The following TENM2 variants were observed in gnomAD, a reference collection of about 807,000 sequenced individuals.
TENM2 encodes teneurin transmembrane protein 2, also known as teneurin-2.
In TENM2, 52 loss-of-function variants were observed where a neutral mutation model predicts 245.2. The observed-to-expected ratio is 0.21, with a 90% CI of 0.17 to 0.27. TENM2 has a LOEUF of 0.27. TENM2 is among the 10% of genes least tolerant of loss of function. The pLI, the probability that TENM2 is intolerant of heterozygous loss-of-function variation, is 1.00. For synonymous variants in TENM2, 1,363 were observed against 1,438.9 expected, an observed-to-expected ratio of 0.95 and a Z score of 1.19; for missense variants, 3,046 against 3,666.8, an observed-to-expected ratio of 0.83 and a Z score of 4.37.
Position 168,165,647 on chromosome 5 carries a change from AACCCCCCCCCCCCC to A in TENM2, c.2569+2891_2569+2904del, listed in dbSNP as rs1413051654. Among the ~76,000 whole-genome samples the A allele has an allele frequency of 1.9e-4, 3 of 15,874 alleles. 1 individual carries two copies. The highest frequency in any genetic ancestry group is 6.2e-4 in the African/African-American group (3 of 4,862). 10.4% of individuals were successfully genotyped at this position (15,874 alleles called of 152,430 possible). A position where few individuals can be genotyped will look rare whatever the true frequency, so the allele number is the denominator to read the frequency against. On this transcript the variant is annotated intron_variant, in intron 13 of 28. Transcript: ENST00000518659. ...AGGCACAATTCAGGATCCCCCCCCC[AACCCCCCCCCCCCC>A]CCCGGCTGGCAGAGACAAAGCAGTC...
intron 2 of TENM2, among the ~76,000 whole-genome samples, chr5:167,804,200 G>C (rs1403229882): frequency 2.6e-5 from 4 of 151,782 alleles, no homozygotes; most frequent in Non-Finnish European, 5.9e-5. Context: ...AAGAAAGCAT[G>C]TTTTACAGTC....
the TENM2 span, among the ~76,000 whole-genome samples, chr5:167,051,695 G>A: frequency 4.6e-5 from 7 of 152,180 alleles, no homozygotes; most frequent in East Asian, 1.4e-3. Flanking sequence ...TTTTTATATT[G>A]GTACAAGGTG....
chr5:167,057,547 T>A, the TENM2 span, among the ~76,000 whole-genome samples: 2 of 152,172 alleles, frequency 1.3e-5, no homozygotes, highest in Non-Finnish European at 2.9e-5. Flanking sequence ...ACTTCATCAG[T>A]GCTTCTCAGT....
At chr5:167,729,358 C>A (rs1278489156) in intron 2 of TENM2, among the ~76,000 whole-genome samples, 1 of 152,212 alleles carries the variant, frequency 6.6e-6, no homozygotes, top group Non-Finnish European at 1.5e-5. Flanking sequence ...GACCACTATT[C>A]TCCTTCCTGT....
intron 1 of TENM2, among the ~76,000 whole-genome samples, chr5:167,292,742 T>C (rs2127721935): frequency 6.6e-6 from 1 of 152,312 alleles, no homozygotes; most frequent in East Asian, 1.9e-4. Flanking sequence ...AATGGTAAGA[T>C]ATAACAGATA....
intron 27 of TENM2, among the ~76,000 whole-genome samples, chr5:168,253,729 A>G (rs896883533): frequency 6.6e-6 from 1 of 152,164 alleles, no homozygotes; most frequent in African/African-American, 2.4e-5. Flanking sequence ...CTGGCTACGC[A>G]CTCATTATTT....
At chr5:167,887,731 G>A (rs1561898724) in intron 3 of TENM2, among the ~76,000 whole-genome samples, 2 of 152,210 alleles carry the variant, frequency 1.3e-5, no homozygotes, top group Admixed American at 6.5e-5. Flanking sequence ...GGGAATGCAT[G>A]CGCTTAGTGT....
intron 13 of TENM2, among the ~76,000 whole-genome samples, chr5:168,182,053 C>T (rs1031164909): frequency 1.3e-5 from 2 of 152,178 alleles, no homozygotes; most frequent in Non-Finnish European, 2.9e-5. Context: ...AGCGACGGTT[C>T]ATCAGGCAGC....
chr5:167,053,112 A>G, the TENM2 span, among the ~76,000 whole-genome samples: 1 of 151,880 alleles, frequency 6.6e-6, no homozygotes, highest in Non-Finnish European at 1.5e-5. Flanking sequence ...TTCTCCTCCC[A>G]TTTCTATCTG....
chr5:167,962,304 A>C (rs537876678), intron 4 of TENM2, among the ~76,000 whole-genome samples: 1 of 152,314 alleles, frequency 6.6e-6, no homozygotes, highest in Admixed American at 6.5e-5. Flanking sequence ...GAAAAAAAAA[A>C]AAATGAGACA....
intron 2 of TENM2, among the ~76,000 whole-genome samples, chr5:167,562,970 A>G (rs529633873): frequency 2.3e-4 from 35 of 151,534 alleles, no homozygotes; most frequent in East Asian, 5.9e-4. Context: ...AAAAAAAAAA[A>G]AAAAAGAAAA....
chr5:168,008,512 G>A (rs2152068421), intron 5 of TENM2, among the ~76,000 whole-genome samples: 1 of 152,288 alleles, frequency 6.6e-6, no homozygotes, highest in Non-Finnish European at 1.5e-5. Context: ...ATTCAGGATA[G>A]ATTGGGAGAT....
chr5:167,454,956 T>C, intron 2 of TENM2, among the ~76,000 whole-genome samples: 1 of 152,190 alleles, frequency 6.6e-6, no homozygotes, highest in East Asian at 1.9e-4. Flanking sequence ...GAAATGCTGT[T>C]ACCAGAAATA....
intron 20 of TENM2, among the ~76,000 whole-genome samples, chr5:168,212,248 T>C (rs1454909781): frequency 6.6e-6 from 1 of 152,150 alleles, no homozygotes; most frequent in Non-Finnish European, 1.5e-5. Flanking sequence ...GTCAGATGCA[T>C]TGAGAATTTT....
chr5:168,177,717 G>C (rs1386552478), intron 13 of TENM2, among the ~76,000 whole-genome samples: 1 of 152,174 alleles, frequency 6.6e-6, no homozygotes, highest in African/African-American at 2.4e-5. Context: ...GGTGCCTATA[G>C]TCCCAGCTAC....
chr5:168,216,334 A>C (rs1329664541), intron 21 of TENM2, among the ~76,000 whole-genome samples: 2 of 152,256 alleles, frequency 1.3e-5, no homozygotes, highest in Non-Finnish European at 2.9e-5. Flanking sequence ...TGTAACTACA[A>C]GAATCATCAT....
chr5:167,940,981 G>T (rs564574500), intron 3 of TENM2, among the ~76,000 whole-genome samples: 2 of 152,252 alleles, frequency 1.3e-5, no homozygotes, highest in East Asian at 3.9e-4. Flanking sequence ...ATTATTTCAC[G>T]TGAGAGATGA....
At chr5:167,761,384 G>A (rs892164951) in intron 2 of TENM2, among the ~76,000 whole-genome samples, 3 of 151,908 alleles carry the variant, frequency 2.0e-5, no homozygotes, top group African/African-American at 7.3e-5. Context: ...TCTGATACAT[G>A]GTAGGCAGAA....
At chr5:167,145,357 T>C in the TENM2 span, among the ~76,000 whole-genome samples, 1 of 152,258 alleles carries the variant, frequency 6.6e-6, no homozygotes, top group East Asian at 1.9e-4. Context: ...CCCTCTCAGT[T>C]TCTCACCCAT....
Sources: allele counts gnomAD v4.1 joint callset (sites outside exome capture counted in the v4.1 genomes callset), GRCh38; gene constraint gnomAD v4.1.1; transcripts MANE v1.5; gene names NCBI Gene and HGNC (gene_info 2026-07-23, HGNC 2026-07-21).